The following CCSER1 variants were observed in gnomAD, a reference collection of about 807,000 sequenced individuals.
CCSER1 encodes the protein serine-rich coiled-coil domain-containing protein 1.
Under a neutral mutation model 82.0 loss-of-function variants are expected in CCSER1, and 41 were observed. That is an observed-to-expected ratio of 0.50 (90% CI 0.39 to 0.65). The LOEUF is 0.65. CCSER1 is among the 30% of genes least tolerant of loss of function. CCSER1 has a pLI of 0.00. For synonymous variants in CCSER1, 414 were observed against 383.9 expected (o/e 1.08, Z -0.92); for missense variants, 1,119 against 1,064.2 (o/e 1.05, Z -0.72).
chr4:91,006,320 A>G (rs1477563921), intron 9 of CCSER1, among the ~76,000 whole-genome samples: 1 of 151,892 alleles, frequency 6.6e-6, no homozygotes, highest in East Asian at 1.9e-4. Context: ...TAGATACACT[A>G]CTAATTTCTG....
intron 7 of CCSER1, among the ~76,000 whole-genome samples, chr4:90,811,424 A>T (rs1313250927): frequency 6.6e-6 from 1 of 152,220 alleles, no homozygotes; most frequent in Non-Finnish European, 1.5e-5. Flanking sequence ...TTAAATTAGG[A>T]AGTGACAAAA....
At chr4:90,456,369 C>G (rs564929432) in intron 4 of CCSER1, among the ~76,000 whole-genome samples, 1 of 152,262 alleles carries the variant, frequency 6.6e-6, no homozygotes, top group Admixed American at 6.5e-5. Flanking sequence ...CAACAACACC[C>G]TTATCATTGT....
chr4:90,928,140 TTC>T (rs1729287064), intron 9 of CCSER1, among the ~76,000 whole-genome samples: 1 of 152,058 alleles, frequency 6.6e-6, no homozygotes. Flanking sequence ...TCTCAAATAT[TTC>T]TGTTTATTTT....
At chr4:91,550,719 G>C (rs942393536) in intron 10 of CCSER1, among the ~76,000 whole-genome samples, 7 of 152,152 alleles carry the variant, frequency 4.6e-5, no homozygotes, top group Non-Finnish European at 1.0e-4. Context: ...GCCTGGAGCA[G>C]AATTGGTGTT....
intron 3 of CCSER1, among the ~76,000 whole-genome samples, chr4:90,358,972 T>A (rs1744824763): frequency 6.6e-6 from 1 of 152,192 alleles, no homozygotes; most frequent in African/African-American, 2.4e-5. Context: ...TTGACTAAAA[T>A]TCATGAAAAG....
intron 10 of CCSER1, among the ~76,000 whole-genome samples, chr4:91,543,878 T>C (rs1022867049): frequency 6.6e-6 from 1 of 152,232 alleles, no homozygotes; most frequent in East Asian, 1.9e-4. Flanking sequence ...TTCTCCTGGA[T>C]AATATCCGGC....
chr4:91,253,060 G>GCATGGCTTGAACC (rs1740383967), intron 10 of CCSER1, among the ~76,000 whole-genome samples: 1 of 151,608 alleles, frequency 6.6e-6, no homozygotes, highest in African/African-American at 2.4e-5. Context: ...CCCTTGAACA[G>GCATGGCTTGAACC]CATGGGCTTG....
chr4:90,848,958 C>T (rs904910681), intron 8 of CCSER1, among the ~76,000 whole-genome samples: 14 of 152,224 alleles, frequency 9.2e-5, no homozygotes, highest in African/African-American at 2.2e-4. Flanking sequence ...TCTGGGGCTT[C>T]GCCTCCCATG....
At chr4:90,400,224 T>C in intron 4 of CCSER1, 95 bp downstream of exon 4, 2 of 515,574 alleles carry the variant, frequency 3.9e-6, no homozygotes, top group East Asian at 6.1e-5. Context: ...GCCTTCTATC[T>C]TTTCAGGCCT....
intron 1 of CCSER1, among the ~76,000 whole-genome samples, chr4:90,228,519 G>GA (rs1312239850): frequency 6.6e-6 from 1 of 152,062 alleles, no homozygotes; most frequent in African/African-American, 2.4e-5. Context: ...CCAAGATGGG[G>GA]AAAAAACAGA....
chr4:91,006,005 T>G (rs1168420505), intron 9 of CCSER1, among the ~76,000 whole-genome samples: 1 of 152,220 alleles, frequency 6.6e-6, no homozygotes, highest in East Asian at 1.9e-4. Flanking sequence ...TCAGATAGCA[T>G]GATACCTCTA....
chr4:91,383,698 T>C (rs1751087134), intron 10 of CCSER1, among the ~76,000 whole-genome samples: 1 of 152,152 alleles, frequency 6.6e-6, no homozygotes. Flanking sequence ...AGAATAAATT[T>C]GCTAATCCCC....
At position 90,403,265 on chromosome 4, in the gene CCSER1, T is replaced by C. The variant is rs367853460; in HGVS notation, c.1603+3136T>C. 1.0e-2 allele frequency among the ~76,000 whole-genome samples: 1,515 copies of C among 152,090 alleles called. 11 individuals carry two copies. Among genetic ancestry groups the C allele is most frequent in the South Asian group, 0.029 (141 of 4,818 alleles). ...CTGTAATCCCAGCACTTTGGGAGGC[T>C]GAGGCGGGTGGATCACGAGGTCAGG... On this transcript the variant is annotated intron_variant, in intron 4 of 10. Coordinates refer to ENST00000509176, the MANE Select transcript of CCSER1 (RefSeq NM_001145065.2).
intron 9 of CCSER1, among the ~76,000 whole-genome samples, chr4:91,061,623 A>C (rs983329500): frequency 6.6e-6 from 1 of 152,056 alleles, no homozygotes; most frequent in African/African-American, 2.4e-5. Flanking sequence ...CGATTGCCCA[A>C]ATTTAGTCTC....
chr4:90,139,543 A>G (rs1409897177), intron 1 of CCSER1, among the ~76,000 whole-genome samples: 16 of 152,070 alleles, frequency 1.1e-4, no homozygotes, highest in Admixed American at 1.0e-3. Context: ...GCCAACAGTA[A>G]TGTTCCAATT....
chr4:91,367,897 T>C (rs1749752479), intron 10 of CCSER1, among the ~76,000 whole-genome samples: 1 of 152,186 alleles, frequency 6.6e-6, no homozygotes, highest in Non-Finnish European at 1.5e-5. Context: ...TCAAGAAATA[T>C]CTGGCAAGTT....
At chr4:90,833,497 A>G (rs1761395463) in intron 8 of CCSER1, among the ~76,000 whole-genome samples, 2 of 152,122 alleles carry the variant, frequency 1.3e-5, no homozygotes, top group Admixed American at 6.5e-5. Context: ...TATTATGCCT[A>G]TTCCTTGTGT....
chr4:91,499,154 A>G (rs1023768121), intron 10 of CCSER1, among the ~76,000 whole-genome samples: 1 of 151,914 alleles, frequency 6.6e-6, no homozygotes. Flanking sequence ...TTCAAGATAT[A>G]TTTTATTTAA....
intron 10 of CCSER1, among the ~76,000 whole-genome samples, chr4:91,181,934 G>A (rs371030744): frequency 1.4e-4 from 21 of 152,280 alleles, no homozygotes; most frequent in Admixed American, 5.9e-4. Context: ...CAATATGCCC[G>A]ATAAGTATAA....
Sources: allele counts gnomAD v4.1 joint callset (sites outside exome capture counted in the v4.1 genomes callset), GRCh38; gene constraint gnomAD v4.1.1; transcripts MANE v1.5; gene names NCBI Gene and HGNC (gene_info 2026-07-23, HGNC 2026-07-21).